Variants in SCN2A observed in about 807,000 individuals in gnomAD.
SCN2A encodes sodium channel protein type 2 subunit alpha.
SCN2A carries 20 observed loss-of-function variants against 188.7 expected under a neutral mutation model. That is an observed-to-expected ratio of 0.11 (90% CI 0.07 to 0.15). SCN2A has a LOEUF of 0.15. Among genes scored for constraint, SCN2A ranks in the 10% least tolerant of loss-of-function variants. SCN2A has a pLI of 1.00. For missense variants in SCN2A, 1,278 were observed against 2,445.0 expected, an observed-to-expected ratio of 0.52 and a Z score of 10.07; for synonymous variants, 804 against 833.1, an observed-to-expected ratio of 0.97 and a Z score of 0.60.
chr2:165,309,095 G>C, intron 5 of SCN2A: 1 of 1,512,066 alleles, frequency 6.6e-7, no homozygotes, highest in Non-Finnish European at 9.2e-7. Context: ...AAATTAAAAA[G>C]GTCTTGATGA....
At chr2:165,242,269 A>T (rs1200037361) in intron 1 of SCN2A, among the ~76,000 whole-genome samples, 1 of 152,178 alleles carries the variant, frequency 6.6e-6, no homozygotes, top group Non-Finnish European at 1.5e-5. Context: ...AACAAAAGAG[A>T]AGTGAAGATG....
At chr2:165,253,254 A>G (rs10803795) in intron 1 of SCN2A, among the ~76,000 whole-genome samples, 6,684 of 152,132 alleles carry the variant, frequency 0.044, 190 homozygotes, top group East Asian at 0.093. Context: ...ATTCACTTCT[A>G]TCTCCTTTCT....
At chr2:165,344,155 G>C (rs191623392) in intron 15 of SCN2A, among the ~76,000 whole-genome samples, 1 of 152,128 alleles carries the variant, frequency 6.6e-6, no homozygotes, top group East Asian at 1.9e-4. Context: ...GCTTATGTAG[G>C]ATACTTGAAA....
chr2:165,350,103 G>C (rs192189191), intron 16 of SCN2A, among the ~76,000 whole-genome samples: 1 of 152,260 alleles, frequency 6.6e-6, no homozygotes, highest in East Asian at 1.9e-4. Flanking sequence ...GATGGCAAGA[G>C]ACCCTTCATT....
intron 1 of SCN2A, chr2:165,272,782 AC>A (rs1316343651): frequency 1.9e-5 from 2 of 103,570 alleles, no homozygotes; most frequent in East Asian, 4.9e-4. Flanking sequence ...ACACACACAC[AC>A]ACACACACAC....
At chr2:165,349,317 A>C (rs750532223) in intron 16 of SCN2A, among the ~76,000 whole-genome samples, 6 of 152,198 alleles carry the variant, frequency 3.9e-5, no homozygotes, top group Non-Finnish European at 8.8e-5. Context: ...ACTGTGCATA[A>C]TAAAATGTAT....
Position 165,295,827 on chromosome 2 carries a change from G to A in SCN2A, c.4G>A (p.Ala2Thr), listed in dbSNP as rs1274697462. 1 of 1,614,044 alleles carries A rather than the reference G, an allele frequency of 6.2e-7. No individual in the cohort carries two copies. Among genetic ancestry groups the A allele is most frequent in the Non-Finnish European group, 8.5e-7 (1 of 1,180,010 alleles). ...ATTAAAGGAGCAGGATGAAAAGATG[G>A]CACAGTCAGTGCTGGTACCGCCAGG... is the stretch of plus-strand genomic sequence containing the variant. M[A>T]QSVLVPPGPD... Residue 2 changes from alanine (A) to threonine (T), a missense_variant, in exon 2 of 27, where the codon GCA becomes ACA. By Grantham distance (58) the Ala-to-Thr change is moderately conservative (BLOSUM62 0). Coordinates refer to ENST00000375437, the MANE Select transcript of SCN2A (RefSeq NM_001040142.2).
rs528980954 is a variant in SCN2A at position 165,356,695 on chromosome 2, A to C, written c.3399+2024A>C. On this transcript the variant is annotated intron_variant, in intron 17 of 26. Transcript: ENST00000375437. ...TTTCAGTATCTTTTGAGGAATGTTT[A>C]ACTTGACATCCAGTCTTCTTAACTT... is the stretch of plus-strand genomic sequence containing the variant. 9.2e-5 allele frequency among the ~76,000 whole-genome samples: 14 copies of C among 152,308 alleles called. No homozygotes were observed. The South Asian group carries it at 2.5e-3, about 27-fold the overall frequency.
In SCN2A at chr2:165,315,478, C is replaced by T; in HGVS notation, c.1391C>T (p.Ala464Val). 1 of 1,613,796 alleles carries T rather than the reference C, an allele frequency of 6.2e-7. No individual in the cohort carries two copies. Among genetic ancestry groups the T allele is most frequent in the Non-Finnish European group, 8.5e-7 (1 of 1,179,756 alleles). ...KKQQEEAQAA[A>V]AAASAESRDF... ...TACTTTGCGCCCTTCTAGGCGGCAG[C>T]TGCAGCCGCATCTGCTGAATCAAGA... The change falls in exon 11 of 27, where the codon GCT becomes GTT. Residue 464 changes from alanine to valine, a missense_variant. Coordinates refer to ENST00000375437, the MANE Select transcript of SCN2A (RefSeq NM_001040142.2).
chr2:165,319,276 G>A (rs1451449581), intron 11 of SCN2A, among the ~76,000 whole-genome samples: 1 of 152,136 alleles, frequency 6.6e-6, no homozygotes, highest in Non-Finnish European at 1.5e-5. Context: ...GGTGGAGCTT[G>A]CAGTGAGCCG....
In SCN2A at chr2:165,247,383, T is replaced by A. The variant is rs147937268; in HGVS notation, c.-52+7743T>A. Reference sequence around the variant, plus strand: ...CTTTCTATTCTCTTTTAAATTTACGTTAGTCAAGTTTTTACTCTTACCATT... The same window carrying A: ...CTTTCTATTCTCTTTTAAATTTACGATAGTCAAGTTTTTACTCTTACCATT... On this transcript the variant is annotated intron_variant, in intron 1 of 26. Transcript: ENST00000375437. 5.8e-4 allele frequency among the ~76,000 whole-genome samples: 89 copies of A among 152,282 alleles called. No individual in the cohort carries two copies. In the East Asian group the frequency reaches 0.012, roughly 21 times the overall value.
At chr2:165,292,491 A>C (rs353125) in intron 1 of SCN2A, among the ~76,000 whole-genome samples, 150,727 of 152,164 alleles carry the variant, frequency 0.99, 74,666 homozygotes, top group Middle Eastern at 1. Flanking sequence ...CCCTATACCC[A>C]CTTATAGTCC....
At chr2:165,388,453 G>A (rs377357530) in intron 26 of SCN2A, among the ~76,000 whole-genome samples, 176 bp from the exon 27 acceptor site, 2 of 152,088 alleles carry the variant, frequency 1.3e-5, no homozygotes, top group East Asian at 3.8e-4. Context: ...AGATGTAAAT[G>A]TTATAACACC....
At chr2:165,291,960 T>A (rs1439390746) in intron 1 of SCN2A, among the ~76,000 whole-genome samples, 1 of 152,026 alleles carries the variant, frequency 6.6e-6, no homozygotes, top group African/African-American at 2.4e-5. Context: ...TTTCGGAGTC[T>A]TTCTTCCCAC....
chr2:165,247,061 C>T (rs1275837816), intron 1 of SCN2A, among the ~76,000 whole-genome samples: 1 of 152,064 alleles, frequency 6.6e-6, no homozygotes, highest in Non-Finnish European at 1.5e-5. Flanking sequence ...CATAACCTGA[C>T]CTCCCACCCA....
chr2:165,352,342 A>G (rs965020071), intron 16 of SCN2A, among the ~76,000 whole-genome samples: 4 of 152,164 alleles, frequency 2.6e-5, no homozygotes, highest in Non-Finnish European at 4.4e-5. Flanking sequence ...TCTCAAAATC[A>G]AACGTGGTCT....
chr2:165,256,350 C>T (rs920995455), intron 1 of SCN2A, among the ~76,000 whole-genome samples: 3 of 152,108 alleles, frequency 2.0e-5, no homozygotes, highest in African/African-American at 7.2e-5. Context: ...GTTTGATTTA[C>T]AGACTCTTTT....
At chr2:165,289,145 T>A (rs1338873079) in intron 1 of SCN2A, among the ~76,000 whole-genome samples, 1 of 152,078 alleles carries the variant, frequency 6.6e-6, no homozygotes, top group African/African-American at 2.4e-5. Flanking sequence ...TTTCTTAGTA[T>A]AAATTTATTT....
At chr2:165,311,927 A>T in intron 7 of SCN2A, 98 bp from the exon 8 acceptor site, 1 of 756,326 alleles carries the variant, frequency 1.3e-6, no homozygotes, top group Admixed American at 2.0e-5. Flanking sequence ...CCATCTCATT[A>T]TGATTGAAAA....
Sources: gnomAD v4.1 joint callset for allele counts (sites outside exome capture counted in the v4.1 genomes callset) on GRCh38, gnomAD v4.1.1 for gene constraint, MANE v1.5 for transcripts, NCBI Gene and HGNC (gene_info 2026-07-23, HGNC 2026-07-21) for gene names.